The following GALNT13 variants were observed in gnomAD, a reference collection of about 807,000 sequenced individuals.
GALNT13 encodes polypeptide N-acetylgalactosaminyltransferase 13, also known as UDP-GalNAc:polypeptide N-acetylgalactosaminyltransferase 13.
In GALNT13, 28 loss-of-function variants were observed where a neutral mutation model predicts 64.2. The ratio of observed to expected loss-of-function variants is 0.44; its 90% CI spans 0.32 to 0.60. The LOEUF (loss-of-function observed/expected upper bound fraction) is 0.60. Among genes scored for constraint, GALNT13 ranks in the 20% least tolerant of loss-of-function variants. GALNT13 has a pLI of 0.05. For synonymous variants in GALNT13, 214 were observed against 224.6 expected (o/e 0.95, Z 0.42); for missense variants, 577 against 669.8 (o/e 0.86, Z 1.53).
At chr2:153,703,972 A>G in the GALNT13 span, among the ~76,000 whole-genome samples, 2 of 152,134 alleles carry the variant, frequency 1.3e-5, no homozygotes, top group Non-Finnish European at 2.9e-5. Context: ...TTCTAATAAC[A>G]TTAACTTACT....
At chr2:154,025,579 G>A (rs563130340) in intron 3 of GALNT13, among the ~76,000 whole-genome samples, 93 of 152,176 alleles carry the variant, frequency 6.1e-4, no homozygotes, top group Non-Finnish European at 1.1e-3. Context: ...TTAATTAACC[G>A]TTGTTCTATT....
intron 3 of GALNT13, among the ~76,000 whole-genome samples, chr2:154,050,914 C>T (rs1023888277): frequency 3.3e-5 from 5 of 152,156 alleles, no homozygotes; most frequent in African/African-American, 1.2e-4. Context: ...ATTTGTTTCA[C>T]GAACCAAAGC....
At chr2:153,948,275 G>C (rs1691917900) in intron 3 of GALNT13, among the ~76,000 whole-genome samples, 1 of 151,128 alleles carries the variant, frequency 6.6e-6, no homozygotes, top group African/African-American at 2.4e-5. Flanking sequence ...CTGATTATTA[G>C]CTAATTGCAA....
At chr2:153,974,715 A>G (rs191136739) in intron 3 of GALNT13, among the ~76,000 whole-genome samples, 5 of 152,206 alleles carry the variant, frequency 3.3e-5, no homozygotes, top group Non-Finnish European at 7.4e-5. Flanking sequence ...CATAAATGAG[A>G]TATTCTTCCT....
chr2:153,633,620 T>G, the GALNT13 span, among the ~76,000 whole-genome samples: 10 of 152,200 alleles, frequency 6.6e-5, no homozygotes, highest in Non-Finnish European at 1.5e-4. Flanking sequence ...GTGAATTACC[T>G]GTTGTAGTTT....
the GALNT13 span, among the ~76,000 whole-genome samples, chr2:153,556,433 T>C: frequency 6.6e-6 from 1 of 152,236 alleles, no homozygotes; most frequent in Non-Finnish European, 1.5e-5. Flanking sequence ...AAGTAAATTT[T>C]ATTTTCATAT....
At chr2:153,909,888 T>C (rs1221318393) in intron 2 of GALNT13, among the ~76,000 whole-genome samples, 1 of 152,128 alleles carries the variant, frequency 6.6e-6, no homozygotes, top group African/African-American at 2.4e-5. Context: ...GCCTGAAGTT[T>C]TCTCTTTTGG....
the GALNT13 span, among the ~76,000 whole-genome samples, chr2:153,698,726 G>A: frequency 6.6e-6 from 1 of 152,088 alleles, no homozygotes; most frequent in South Asian, 2.1e-4. Context: ...CTCAGCTCTG[G>A]ATCAAGTGGA....
At chr2:154,391,333 A>G (rs1420974191) in intron 9 of GALNT13, among the ~76,000 whole-genome samples, 1 of 152,238 alleles carries the variant, frequency 6.6e-6, no homozygotes, top group Non-Finnish European at 1.5e-5. Flanking sequence ...ATTGAAATAG[A>G]ATGCTCTAGT....
chr2:153,171,419 T>C, the GALNT13 span, among the ~76,000 whole-genome samples: 1 of 152,180 alleles, frequency 6.6e-6, no homozygotes. Flanking sequence ...TAAATAATTA[T>C]TATTTAGAAA....
At chr2:153,250,494 C>A in the GALNT13 span, among the ~76,000 whole-genome samples, 33 of 152,212 alleles carry the variant, frequency 2.2e-4, 1 homozygote, top group South Asian at 4.1e-3. Context: ...GGATCTAGAA[C>A]CAGAAATACC....
the GALNT13 span, among the ~76,000 whole-genome samples, chr2:153,733,127 C>A: frequency 6.6e-6 from 1 of 152,060 alleles, no homozygotes; most frequent in Admixed American, 6.6e-5. Context: ...CTACTACTTA[C>A]CTTCGTATTT....
intron 9 of GALNT13, among the ~76,000 whole-genome samples, chr2:154,390,685 GC>G (rs1020972049): frequency 1.3e-5 from 2 of 151,804 alleles, no homozygotes; most frequent in African/African-American, 4.8e-5. Flanking sequence ...AAAAATAGGA[GC>G]CCATAAATTT....
At chr2:153,348,169 T>C in the GALNT13 span, among the ~76,000 whole-genome samples, 8 of 152,194 alleles carry the variant, frequency 5.3e-5, no homozygotes, top group African/African-American at 1.9e-4. Flanking sequence ...CTATTATGCC[T>C]GTGTTCAAAT....
chr2:153,387,159 C>A, the GALNT13 span, among the ~76,000 whole-genome samples: 1 of 151,958 alleles, frequency 6.6e-6, no homozygotes, highest in African/African-American at 2.4e-5. Context: ...TGAAAGGCAA[C>A]CATATTTTTT....
chr2:154,303,700 A>G (rs1693575721), intron 9 of GALNT13, among the ~76,000 whole-genome samples: 2 of 152,244 alleles, frequency 1.3e-5, no homozygotes, highest in African/African-American at 2.4e-5. Flanking sequence ...TCAATACGGC[A>G]TGATAGGAAC....
chr2:154,032,696 T>C (rs1242755635), intron 3 of GALNT13, among the ~76,000 whole-genome samples: 1 of 151,802 alleles, frequency 6.6e-6, no homozygotes, highest in Non-Finnish European at 1.5e-5. Flanking sequence ...TTTGACAAAA[T>C]TCAACATCTA....
At chr2:154,026,956 G>T (rs1388578331) in intron 3 of GALNT13, among the ~76,000 whole-genome samples, 1 of 152,134 alleles carries the variant, frequency 6.6e-6, no homozygotes, top group Non-Finnish European at 1.5e-5. Flanking sequence ...CATTTATGTT[G>T]TTCTCAGGAG....
the GALNT13 span, among the ~76,000 whole-genome samples, chr2:153,430,438 G>C: frequency 2.0e-5 from 3 of 151,706 alleles, no homozygotes; most frequent in Non-Finnish European, 4.4e-5. Context: ...AAAGTTACAC[G>C]TGGTGTATTC....
Sources: gnomAD v4.1 joint callset for allele counts (sites outside exome capture counted in the v4.1 genomes callset) on GRCh38, gnomAD v4.1.1 for gene constraint, MANE v1.5 for transcripts, NCBI Gene and HGNC (gene_info 2026-07-23, HGNC 2026-07-21) for gene names.